Variants in PLA2G4E observed in about 807,000 individuals in gnomAD.
PLA2G4E encodes cytosolic phospholipase A2 epsilon.
In PLA2G4E, 84 loss-of-function variants were observed where a neutral mutation model predicts 109.1. That is an observed-to-expected ratio of 0.77 (90% CI 0.65 to 0.92). PLA2G4E has a LOEUF of 0.92. PLA2G4E is among the 40% of genes least tolerant of loss of function. PLA2G4E has a pLI of 0.00. For synonymous variants in PLA2G4E, 469 were observed against 436.1 expected, an observed-to-expected ratio of 1.08 and a Z score of -0.94; for missense variants, 1,057 against 1,076.6, an observed-to-expected ratio of 0.98 and a Z score of 0.25.
chr15:41,989,020 G>A (rs567766416), intron 15 of PLA2G4E, among the ~76,000 whole-genome samples: 34 of 152,302 alleles, frequency 2.2e-4, no homozygotes, highest in African/African-American at 8.2e-4. Context: ...ATGAAGAACC[G>A]AGGCGCTTAG....
intron 14 of PLA2G4E, among the ~76,000 whole-genome samples, chr15:41,989,829 C>T (rs573133678): frequency 4.2e-4 from 64 of 152,338 alleles, no homozygotes; most frequent in South Asian, 1.4e-3. Flanking sequence ...GCAGCTCTCT[C>T]GAGTCTCTCT....
At chr15:41,989,076 C>G (rs2068197201) in intron 15 of PLA2G4E, among the ~76,000 whole-genome samples, 1 of 152,146 alleles carries the variant, frequency 6.6e-6, no homozygotes, top group Non-Finnish European at 1.5e-5. Context: ...GCCCCTTACC[C>G]TGTGGTCTCC....
At chr15:42,047,265 C>T (rs1889431458) in intron 1 of PLA2G4E, among the ~76,000 whole-genome samples, 1 of 152,204 alleles carries the variant, frequency 6.6e-6, no homozygotes, top group Non-Finnish European at 1.5e-5. Flanking sequence ...ACCCACAGCA[C>T]CTGACCAAGA....
intron 2 of PLA2G4E, among the ~76,000 whole-genome samples, chr15:42,013,289 C>T (rs868519666): frequency 1.3e-5 from 2 of 152,158 alleles, no homozygotes; most frequent in African/African-American, 4.8e-5. Context: ...TCCACTTCAC[C>T]CCAACAGGCC....
intron 1 of PLA2G4E, among the ~76,000 whole-genome samples, chr15:42,032,207 T>TTTGAG (rs1889124981): frequency 6.6e-6 from 1 of 152,226 alleles, no homozygotes; most frequent in Non-Finnish European, 1.5e-5. Flanking sequence ...CTTTTCTTTG[T>TTTGAG]AAATTACCTA....
chr15:42,045,827 C>A (rs1291547132), intron 1 of PLA2G4E, among the ~76,000 whole-genome samples: 1 of 152,190 alleles, frequency 6.6e-6, no homozygotes, highest in Non-Finnish European at 1.5e-5. Flanking sequence ...CAGATTTCCT[C>A]CTCAACTTGT....
chr15:41,990,201 G>C (rs1213055629), exon 14 of PLA2G4E: 2 of 1,613,792 alleles, frequency 1.2e-6, no homozygotes, highest in Non-Finnish European at 1.7e-6. Context: ...GCAGCTCAAA[G>C]CAGCACGCTG....
rs1331385397 is a variant in PLA2G4E at position 41,986,012 on chromosome 15, G to A, written c.2036-7C>T. On this transcript the variant is annotated splice_region_variant and splice_polypyrimidine_tract_variant and intron_variant, in intron 17 of 19. Coordinates refer to ENST00000399518, the Ensembl canonical transcript of PLA2G4E. ...AAACCATCTAGCACTGTGTCTGAAA[G>A]CCAAGCCTTCCCGTTACCAACACAC... 2.5e-6 allele frequency: 4 copies of A among 1,585,914 alleles called. No homozygotes were observed. The highest frequency in any genetic ancestry group is 3.4e-6 in the Non-Finnish European group (4 of 1,165,034).
intron 2 of PLA2G4E, chr15:42,009,136 T>C (rs12442207): frequency 0.17 from 26,553 of 152,136 alleles, 2,530 homozygotes; most frequent in Middle Eastern, 0.22. Context: ...CTCTTTTAGA[T>C]GTCATGATAA....
chr15:42,026,672 A>G (rs888977050), intron 1 of PLA2G4E, among the ~76,000 whole-genome samples: 2 of 152,126 alleles, frequency 1.3e-5, no homozygotes, highest in African/African-American at 2.4e-5. Context: ...TGATTTGGAT[A>G]TAGAAAGATA....
chr15:42,027,435 T>G (rs1595574566), intron 1 of PLA2G4E, among the ~76,000 whole-genome samples: 1 of 152,142 alleles, frequency 6.6e-6, no homozygotes. Context: ...TGAGATATTT[T>G]TTTCCCTCCA....
exon 1 of PLA2G4E, chr15:42,050,675 G>A: frequency 6.4e-7 from 1 of 1,550,528 alleles, no homozygotes; most frequent in South Asian, 1.2e-5. Context: ...TCCCAGGCCA[G>A]GACAGCCTTC....
intron 2 of PLA2G4E, among the ~76,000 whole-genome samples, chr15:42,008,765 G>A (rs1566842916): frequency 6.6e-6 from 1 of 152,210 alleles, no homozygotes; most frequent in Non-Finnish European, 1.5e-5. Flanking sequence ...GGCAGTTGGT[G>A]AGGGTGAGGC....
At chr15:41,992,282 G>A (rs945082712) in intron 13 of PLA2G4E, among the ~76,000 whole-genome samples, 30 of 152,132 alleles carry the variant, frequency 2.0e-4, no homozygotes, top group African/African-American at 5.6e-4. Flanking sequence ...TGGGAGACGC[G>A]GGACTCCTGT....
At chr15:42,044,949 G>C (rs964130121) in intron 1 of PLA2G4E, among the ~76,000 whole-genome samples, 1 of 152,040 alleles carries the variant, frequency 6.6e-6, no homozygotes, top group African/African-American at 2.4e-5. Flanking sequence ...TGGTGGACTC[G>C]AGAGGTATTT....
intron 1 of PLA2G4E, among the ~76,000 whole-genome samples, chr15:42,047,512 C>T (rs1056857802): frequency 1.3e-5 from 2 of 152,338 alleles, no homozygotes; most frequent in Middle Eastern, 6.8e-3. Context: ...AATCCCCTCC[C>T]AAATGTCCCA....
At chr15:42,000,653 C>T (rs2068407026) in intron 7 of PLA2G4E, among the ~76,000 whole-genome samples, 2 of 152,218 alleles carry the variant, frequency 1.3e-5, no homozygotes, top group South Asian at 4.1e-4. Flanking sequence ...TGTCCTCCCT[C>T]CCTCCCTCAT....
chr15:41,988,269 C>A, intron 15 of PLA2G4E, 113 bp from the exon 16 acceptor site: 1 of 728,354 alleles, frequency 1.4e-6, no homozygotes, highest in Non-Finnish European at 2.3e-6. Flanking sequence ...GGCTGCTCCA[C>A]AGGCGGGACA....
chr15:42,031,639 C>T (rs569166449), intron 1 of PLA2G4E, among the ~76,000 whole-genome samples: 3 of 152,284 alleles, frequency 2.0e-5, no homozygotes, highest in African/African-American at 7.2e-5. Context: ...GCAGCCCTCA[C>T]GTTTTCTTGG....
Sources: allele counts gnomAD v4.1 joint callset (sites outside exome capture counted in the v4.1 genomes callset), GRCh38; gene constraint gnomAD v4.1.1; transcripts MANE v1.5; gene names NCBI Gene and HGNC (gene_info 2026-07-23, HGNC 2026-07-21).